Variants in ELF1 observed in about 807,000 individuals in gnomAD.
ELF1 encodes the protein E74 like ETS transcription factor 1, also known as ETS-related transcription factor Elf-1.
A neutral mutation model predicts 59.9 loss-of-function variants in ELF1; 24 were observed. That is an observed-to-expected ratio of 0.40 (90% CI 0.29 to 0.56). The LOEUF (loss-of-function observed/expected upper bound fraction) is 0.56. Among genes scored for constraint, ELF1 ranks in the 20% least tolerant of loss-of-function variants. The pLI, the probability that ELF1 is intolerant of heterozygous loss-of-function variation, is 0.44. For missense variants in ELF1, 627 were observed against 742.2 expected, an observed-to-expected ratio of 0.84 and a Z score of 1.80; for synonymous variants, 248 against 266.2, an observed-to-expected ratio of 0.93 and a Z score of 0.67.
At position 40,941,299 on chromosome 13, in the gene ELF1, G is replaced by A; in HGVS notation, c.878C>T (p.Pro293Leu). 6.2e-7 allele frequency: 1 copy of A among 1,613,758 alleles called. No individual in the cohort carries two copies. The change falls in exon 8 of 9, where the codon CCA becomes CTA. Residue 293 changes from proline to leucine, a missense_variant. Physicochemically the swap from Pro to Leu is moderately conservative, Grantham distance 98. This residue lies in a region of ELF1 where 361 missense variants were observed against 396.1 expected (regional missense o/e 0.91). Coordinates refer to ENST00000239882, the MANE Select transcript of ELF1 (RefSeq NM_172373.4). ...QRLVYQFKEMPKDLIYINDED... is the reference protein window; with the variant it reads ...QRLVYQFKEMLKDLIYINDED... The stretch of plus-strand genomic sequence containing the variant: ...ATCATTTATATATATAAGATCTTTT[G>A]GCATTTCTTTAAACTGATACACCAA...
At chr13:40,938,044 C>T (rs755283355) in intron 8 of ELF1, among the ~76,000 whole-genome samples, 56 of 151,344 alleles carry the variant, frequency 3.7e-4, no homozygotes, top group Non-Finnish European at 6.2e-4. Context: ...TTCAAACTCC[C>T]GACCTCAGGT....
At chr13:40,992,963 C>T in intron 1 of ELF1, 2 of 909,720 alleles carry the variant, frequency 2.2e-6, no homozygotes, top group Admixed American at 1.9e-5. Context: ...CTTTTTTGTT[C>T]TGTTCTTTCT....
intron 1 of ELF1, among the ~76,000 whole-genome samples, chr13:41,013,870 GT>G (rs886353925): frequency 6.6e-6 from 1 of 151,722 alleles, no homozygotes; most frequent in African/African-American, 2.4e-5. Context: ...CATTTTAATA[GT>G]TTTATTATAA....
upstream of ELF1, among the ~76,000 whole-genome samples, chr13:41,023,844 G>C (rs954302657): frequency 2.6e-5 from 4 of 152,176 alleles, no homozygotes; most frequent in African/African-American, 7.2e-5. Context: ...GAAATTCAGA[G>C]ACATGAATGA....
chr13:41,024,986 A>G (rs895121664), intron 1 of ELF1, among the ~76,000 whole-genome samples: 5 of 152,192 alleles, frequency 3.3e-5, no homozygotes, highest in South Asian at 2.1e-4. Flanking sequence ...AAGTCTTCCT[A>G]AAGAACAACT....
intron 1 of ELF1, among the ~76,000 whole-genome samples, chr13:40,985,924 CAT>C (rs1873526824): frequency 1.3e-5 from 2 of 151,788 alleles, no homozygotes; most frequent in South Asian, 4.1e-4. Context: ...CAAGGAAAAA[CAT>C]AAGTGAAACT....
At chr13:40,977,535 A>T (rs944718674) in intron 2 of ELF1, among the ~76,000 whole-genome samples, 1 of 152,202 alleles carries the variant, frequency 6.6e-6, no homozygotes, top group Non-Finnish European at 1.5e-5. Context: ...AACCCTATTA[A>T]TAGTGTCAGT....
chr13:40,986,265 C>G (rs1225161229), intron 1 of ELF1, among the ~76,000 whole-genome samples: 2 of 152,208 alleles, frequency 1.3e-5, no homozygotes, highest in Non-Finnish European at 2.9e-5. Context: ...TGCTTGGTGT[C>G]TCAGTCCCCT....
At chr13:41,014,224 A>C (rs1047535153) in intron 1 of ELF1, among the ~76,000 whole-genome samples, 2 of 152,154 alleles carry the variant, frequency 1.3e-5, no homozygotes, top group Admixed American at 1.3e-4. Flanking sequence ...TTATAGACCT[A>C]TGAATTAAAT....
intron 8 of ELF1, among the ~76,000 whole-genome samples, chr13:40,940,265 T>C (rs966115771): frequency 2.0e-5 from 3 of 148,274 alleles, no homozygotes; most frequent in African/African-American, 7.3e-5. Flanking sequence ...CATACTCCCA[T>C]TCTAAGTCAG....
intron 3 of ELF1, among the ~76,000 whole-genome samples, chr13:40,954,929 CCT>C (rs1288207577): frequency 7.6e-6 from 1 of 131,448 alleles, no homozygotes; most frequent in Non-Finnish European, 1.7e-5. Flanking sequence ...ATGTGAGGAG[CCT>C]CTCTGCCTGG....
At chr13:40,955,354 C>T (rs1871197225) in intron 3 of ELF1, among the ~76,000 whole-genome samples, 1 of 145,078 alleles carries the variant, frequency 6.9e-6, no homozygotes, top group Admixed American at 6.7e-5. Context: ...CGGCCAGCCG[C>T]CCCATCCGGG....
chr13:41,007,726 T>C (rs1200576600), intron 1 of ELF1, among the ~76,000 whole-genome samples: 1 of 152,222 alleles, frequency 6.6e-6, no homozygotes, highest in African/African-American at 2.4e-5. Context: ...TTCTTCCATA[T>C]AACATTTATT....
At chr13:40,979,684 C>A (rs937990293) in intron 2 of ELF1, among the ~76,000 whole-genome samples, 1 of 152,010 alleles carries the variant, frequency 6.6e-6, no homozygotes, top group Non-Finnish European at 1.5e-5. Flanking sequence ...AAATGAGACA[C>A]AAAAAAGATT....
intron 1 of ELF1, among the ~76,000 whole-genome samples, chr13:41,008,826 C>A (rs1398371847): frequency 6.6e-6 from 1 of 152,162 alleles, no homozygotes; most frequent in African/African-American, 2.4e-5. Flanking sequence ...TCAACAAAAG[C>A]AACATATTCC....
chr13:40,998,793 G>T (rs565776175), intron 1 of ELF1, among the ~76,000 whole-genome samples: 1 of 151,968 alleles, frequency 6.6e-6, no homozygotes, highest in Non-Finnish European at 1.5e-5. Flanking sequence ...TCTCTAATAG[G>T]AAACTGTTTT....
chr13:41,039,366 T>A (rs1876518862), intron 1 of ELF1, among the ~76,000 whole-genome samples: 2 of 150,386 alleles, frequency 1.3e-5, no homozygotes, highest in African/African-American at 2.4e-5. Context: ...AACCTATTCT[T>A]AAGTTTAGCT....
intron 3 of ELF1, among the ~76,000 whole-genome samples, chr13:40,957,487 G>C (rs1313303981): frequency 7.1e-6 from 1 of 141,458 alleles, no homozygotes; most frequent in Non-Finnish European, 1.5e-5. Flanking sequence ...TGTTTGTTGA[G>C]AAAAAATAAA....
chr13:41,028,428 T>C (rs1448837825), intron 1 of ELF1, among the ~76,000 whole-genome samples: 1 of 152,210 alleles, frequency 6.6e-6, no homozygotes, highest in Non-Finnish European at 1.5e-5. Flanking sequence ...CCTTTAAGAA[T>C]GAAGCTTTGG....
Sources: allele counts gnomAD v4.1 joint callset (sites outside exome capture counted in the v4.1 genomes callset), GRCh38; gene constraint gnomAD v4.1.1; regional missense constraint gnomAD v4.1.1; transcripts MANE v1.5; gene names NCBI Gene and HGNC (gene_info 2026-07-23, HGNC 2026-07-21).